The following HFM1 variants were observed in gnomAD, a reference collection of about 807,000 sequenced individuals.
The protein encoded by HFM1 is helicase for meiosis 1, also known as probable ATP-dependent DNA helicase HFM1.
In HFM1, 169 loss-of-function variants were observed where a neutral mutation model predicts 192.1. The ratio of observed to expected loss-of-function variants is 0.88; its 90% CI spans 0.78 to 1.00. The LOEUF is 1.00. Among genes scored for constraint, HFM1 ranks in the 50% least tolerant of loss-of-function variants. HFM1 has a pLI of 0.00. For synonymous variants in HFM1, 525 were observed against 537.8 expected (o/e 0.98, Z 0.33); for missense variants, 1,661 against 1,668.0 (o/e 1.00, Z 0.07).
chr1:91,374,526 T>C (rs574225638), intron 13 of HFM1, among the ~76,000 whole-genome samples: 1 of 152,288 alleles, frequency 6.6e-6, no homozygotes, highest in Admixed American at 6.5e-5. Flanking sequence ...GAGATATATT[T>C]AGAAGTAAGA....
rs532375256 is a variant in HFM1, at chr1:91,286,419, A to G, written c.3392-9357T>C. 8.7e-4 allele frequency among the ~76,000 whole-genome samples: 132 copies of G among 152,264 alleles called. 1 individual carries two copies. In the Middle Eastern group the frequency reaches 0.02, roughly 24 times the overall value. On this transcript the variant is annotated intron_variant, in intron 30 of 38. Transcript: ENST00000370425. ...CTCTTCCAGTTTCTGATAGCTCTAGACATTTCTTGGCTTGTGGGAGCATAA... is the reference window on the plus strand; with the variant it reads ...CTCTTCCAGTTTCTGATAGCTCTAGGCATTTCTTGGCTTGTGGGAGCATAA...
intron 30 of HFM1, among the ~76,000 whole-genome samples, chr1:91,285,783 T>A (rs557133403): frequency 3.9e-5 from 6 of 152,308 alleles, no homozygotes; most frequent in East Asian, 1.9e-4. Flanking sequence ...AAATATTTCA[T>A]AAGTTTTAAA....
intron 32 of HFM1, among the ~76,000 whole-genome samples, chr1:91,276,086 A>G (rs1666776482): frequency 6.6e-6 from 1 of 152,192 alleles, no homozygotes; most frequent in South Asian, 2.1e-4. Flanking sequence ...CTCTTTCTTT[A>G]TACCTCTGGA....
intron 20 of HFM1, among the ~76,000 whole-genome samples, chr1:91,325,965 T>G (rs1652832674): frequency 1.3e-5 from 2 of 151,930 alleles, no homozygotes; most frequent in Non-Finnish European, 2.9e-5. Context: ...TGCAATGACA[T>G]GCCGAACAAT....
intron 30 of HFM1, among the ~76,000 whole-genome samples, chr1:91,302,583 C>T (rs1343368979): frequency 6.6e-6 from 1 of 152,106 alleles, no homozygotes; most frequent in Admixed American, 6.6e-5. Flanking sequence ...CACATATACA[C>T]CAGGGAATAC....
chr1:91,323,854 C>G (rs543434158), intron 21 of HFM1, among the ~76,000 whole-genome samples: 1 of 152,192 alleles, frequency 6.6e-6, no homozygotes, highest in African/African-American at 2.4e-5. Flanking sequence ...AAAATACAAA[C>G]CTTCTATTTT....
chr1:91,395,655 A>G (rs1663566033), intron 3 of HFM1, among the ~76,000 whole-genome samples: 1 of 151,952 alleles, frequency 6.6e-6, no homozygotes, highest in Non-Finnish European at 1.5e-5. Flanking sequence ...TCTGACTTTC[A>G]TTTTATTTCA....
intron 20 of HFM1, chr1:91,328,427 G>T: frequency 6.2e-7 from 1 of 1,607,506 alleles, no homozygotes; most frequent in Admixed American, 1.7e-5. Context: ...GTGGCCCCCA[G>T]TGCCACCCGG....
intron 38 of HFM1, among the ~76,000 whole-genome samples, chr1:91,261,958 C>G (rs1409063490): frequency 6.6e-6 from 1 of 152,130 alleles, no homozygotes; most frequent in Non-Finnish European, 1.5e-5. Context: ...TTACCCTTTA[C>G]AAAATTAACA....
At chr1:91,368,129 C>T (rs549787344) in intron 13 of HFM1, among the ~76,000 whole-genome samples, 10 of 152,268 alleles carry the variant, frequency 6.6e-5, no homozygotes, top group African/African-American at 2.4e-4. Context: ...CATTGGTGTA[C>T]CTGAAAGTGA....
intron 4 of HFM1, 43 bp from the exon 5 acceptor site, chr1:91,385,877 A>C (rs763241526): frequency 2.0e-6 from 3 of 1,519,538 alleles, no homozygotes; most frequent in Non-Finnish European, 2.7e-6. Flanking sequence ...CACGTGTAAC[A>C]CTTGCTTGGA....
At chr1:91,353,763 G>T (rs1657319337) in intron 13 of HFM1, among the ~76,000 whole-genome samples, 1 of 150,308 alleles carries the variant, frequency 6.7e-6, no homozygotes. Flanking sequence ...AACTAGAGAT[G>T]CCTAATGCTC....
intron 30 of HFM1, among the ~76,000 whole-genome samples, chr1:91,312,989 C>A (rs1425542952): frequency 2.6e-5 from 4 of 152,122 alleles, no homozygotes; most frequent in Non-Finnish European, 5.9e-5. Context: ...CACCACCATG[C>A]AAGATGTGCC....
intron 6 of HFM1, among the ~76,000 whole-genome samples, chr1:91,384,866 C>G (rs993504773): frequency 1.3e-5 from 2 of 152,008 alleles, no homozygotes; most frequent in Non-Finnish European, 2.9e-5. Context: ...CCCTCAGCCC[C>G]CTGAGTAGCT....
intron 34 of HFM1, among the ~76,000 whole-genome samples, chr1:91,269,310 A>C (rs1450447541): frequency 6.6e-6 from 1 of 152,148 alleles, no homozygotes; most frequent in African/African-American, 2.4e-5. Flanking sequence ...AACAATTAGG[A>C]AGTGATGAGT....
intron 13 of HFM1, among the ~76,000 whole-genome samples, chr1:91,364,626 A>T (rs79696041): frequency 7.5e-3 from 326 of 43,320 alleles, no homozygotes; most frequent in African/African-American, 0.021. Flanking sequence ...ATATATATAT[A>T]TATATATTTT....
rs1167335645 is a variant in HFM1, at chr1:91,396,423, A to C, written c.72-18T>G. 8.1e-7 allele frequency: 1 copy of C among 1,239,344 alleles called. No individual in the cohort carries two copies. The highest frequency in any genetic ancestry group is 1.2e-6 in the Non-Finnish European group (1 of 859,342). The allele number at this position is 1,239,344 out of a possible 1,614,324, so 76.8% of individuals were successfully genotyped here. On this transcript the variant is annotated intron_variant, in intron 2 of 38. Coordinates refer to ENST00000370425, the MANE Select transcript of HFM1 (RefSeq NM_001017975.6). ...CTGGATGGCTATATAAAATATAAAAATGTGAGTATATATGTTAATAAAGAT... is the reference window on the plus strand; with the variant it reads ...CTGGATGGCTATATAAAATATAAAACTGTGAGTATATATGTTAATAAAGAT...
intron 34 of HFM1, among the ~76,000 whole-genome samples, 174 bp downstream of exon 34, chr1:91,273,538 C>A (rs573114583): frequency 5.1e-4 from 78 of 151,828 alleles, no homozygotes; most frequent in African/African-American, 1.8e-3. Context: ...CAGAGTAAGA[C>A]CATCTCAATA....
intron 19 of HFM1, among the ~76,000 whole-genome samples, chr1:91,345,474 G>C (rs970886057): frequency 1.3e-5 from 2 of 152,118 alleles, no homozygotes; most frequent in Non-Finnish European, 2.9e-5. Flanking sequence ...TATTCTAAGA[G>C]TGACGGGGAA....
Sources: allele counts gnomAD v4.1 joint callset (sites outside exome capture counted in the v4.1 genomes callset), GRCh38; gene constraint gnomAD v4.1.1; transcripts MANE v1.5; gene names NCBI Gene and HGNC (gene_info 2026-07-23, HGNC 2026-07-21).